Variants in UGT1A10 observed in about 807,000 individuals in gnomAD.
UGT1A10 encodes UDP-glucuronosyltransferase 1A10.
Under a neutral mutation model 45.8 loss-of-function variants are expected in UGT1A10, and 49 were observed. The observed-to-expected ratio is 1.07, with a 90% CI of 0.85 to 1.36. The LOEUF is 1.36. Ranked by LOEUF, UGT1A10 falls within the 40% of genes most tolerant of loss-of-function variation. UGT1A10 has a pLI of 0.00. For missense variants in UGT1A10, 745 were observed against 668.6 expected (o/e 1.11, Z -1.26); for synonymous variants, 284 against 249.7 (o/e 1.14, Z -1.29).
rs369417360 is a variant in UGT1A10, at chr2:233,713,137, G to A, written c.856-53897G>A. The A allele has an allele frequency of 3.5e-5, 57 of 1,614,192 alleles. No homozygotes were observed. The South Asian group carries it at 5.3e-4, about 15-fold the overall frequency. ...TGGCTCAGCATGCGGGAGGCCTTGC[G>A]GGACCTCCATGCGAGAGGCCACCAG... On this transcript the variant is annotated intron_variant, in intron 1 of 4. Transcript: ENST00000344644.
chr2:233,709,294 T>C (rs1249684185), intron 1 of UGT1A10, among the ~76,000 whole-genome samples: 1 of 152,196 alleles, frequency 6.6e-6, no homozygotes, highest in Non-Finnish European at 1.5e-5. Flanking sequence ...CAATTAATGA[T>C]ATTTTCTATT....
At position 233,772,461 on chromosome 2, in the gene UGT1A10, G is replaced by A. The variant is rs764439291; in HGVS notation, c.1495G>A (p.Val499Met). The change falls in exon 5 of 5, where the codon GTG becomes ATG. Residue 499 changes from valine (V) to methionine (M), a missense_variant. Coordinates refer to ENST00000344644, the MANE Select transcript of UGT1A10 (RefSeq NM_019075.4). ...IGFLLAVVLT[V>M]AFITFKCCAY... is the part of the protein sequence containing the mutation. ...TTTCCTCTTGGCCGTCGTGCTGACAGTGGCCTTCATCACCTTTAAATGTTG... is the reference window on the plus strand; with the variant it reads ...TTTCCTCTTGGCCGTCGTGCTGACAATGGCCTTCATCACCTTTAAATGTTG... 6.2e-7 allele frequency: 1 copy of A among 1,614,184 alleles called. No homozygotes were observed. Among genetic ancestry groups the A allele is most frequent in the Non-Finnish European group, 8.5e-7 (1 of 1,180,040 alleles).
At chr2:233,705,031 G>T (rs10929285) in intron 1 of UGT1A10, among the ~76,000 whole-genome samples, 31,843 of 151,910 alleles carry the variant, frequency 0.21, 3,984 homozygotes, top group East Asian at 0.45. Flanking sequence ...AGCTACTCGG[G>T]AGGCTGAGGC....
chr2:233,640,029 C>T (rs1352571529), intron 1 of UGT1A10, among the ~76,000 whole-genome samples: 1 of 152,194 alleles, frequency 6.6e-6, no homozygotes, highest in Admixed American at 6.5e-5. Context: ...GTAGGTGCAG[C>T]TCTGCAGACC....
At chr2:233,748,721 A>G (rs555676494) in intron 1 of UGT1A10, among the ~76,000 whole-genome samples, 1 of 151,762 alleles carries the variant, frequency 6.6e-6, no homozygotes, top group East Asian at 1.9e-4. Context: ...CTGGTGCATG[A>G]TGTGGGGACA....
intron 1 of UGT1A10, among the ~76,000 whole-genome samples, chr2:233,646,063 C>T (rs920550300): frequency 1.5e-4 from 23 of 152,258 alleles, no homozygotes; most frequent in Non-Finnish European, 3.4e-4. Flanking sequence ...CAATTCTTGA[C>T]TTCTGTGCAC....
chr2:233,728,519 T>A (rs554437278), intron 1 of UGT1A10, among the ~76,000 whole-genome samples: 5 of 152,180 alleles, frequency 3.3e-5, no homozygotes, highest in Admixed American at 1.3e-4. Context: ...TTTTCTATAT[T>A]GACAGCCACT....
At chr2:233,711,308 T>C (rs1455786140) in intron 1 of UGT1A10, among the ~76,000 whole-genome samples, 1 of 152,192 alleles carries the variant, frequency 6.6e-6, no homozygotes, top group Non-Finnish European at 1.5e-5. Flanking sequence ...TTAGATGACA[T>C]TGGTGTCTAA....
chr2:233,671,700 A>C, intron 1 of UGT1A10: 2 of 552,150 alleles, frequency 3.6e-6, no homozygotes. Flanking sequence ...TCTGCCCCCA[A>C]GGCAAAGACC....
chr2:233,719,681 A>G (rs1559365276), intron 1 of UGT1A10: 10 of 1,614,106 alleles, frequency 6.2e-6, no homozygotes, highest in Non-Finnish European at 8.5e-6. Context: ...GGAAGCCACT[A>G]TCTCAGGTCT....
intron 1 of UGT1A10, among the ~76,000 whole-genome samples, chr2:233,698,632 A>G (rs1452910614): frequency 6.6e-6 from 1 of 152,262 alleles, no homozygotes; most frequent in Non-Finnish European, 1.5e-5. Context: ...TTTGCCTAAC[A>G]GGTTAGTAAG....
chr2:233,742,265 C>A (rs1188794334), intron 1 of UGT1A10, among the ~76,000 whole-genome samples: 2 of 151,928 alleles, frequency 1.3e-5, no homozygotes, highest in Non-Finnish European at 2.9e-5. Context: ...TGACAGCAAG[C>A]CTGTGATAAG....
At chr2:233,694,411 A>G (rs193114537) in intron 1 of UGT1A10, among the ~76,000 whole-genome samples, 1 of 152,274 alleles carries the variant, frequency 6.6e-6, no homozygotes, top group Admixed American at 6.5e-5. Context: ...GTGCCACAGA[A>G]GTATTTGGTC....
intron 1 of UGT1A10, chr2:233,744,014 C>A: frequency 9.4e-7 from 1 of 1,062,354 alleles, no homozygotes; most frequent in African/African-American, 1.7e-5. Flanking sequence ...CCTGGGCCGC[C>A]TGGAGAGACG....
chr2:233,655,379 C>T (rs747108141), intron 1 of UGT1A10, among the ~76,000 whole-genome samples: 13 of 152,140 alleles, frequency 8.5e-5, no homozygotes, highest in Non-Finnish European at 1.6e-4. Flanking sequence ...ACTCTTCATT[C>T]CCCAAGGAGC....
chr2:233,683,242 T>C (rs1214148845), intron 1 of UGT1A10, among the ~76,000 whole-genome samples: 2 of 152,180 alleles, frequency 1.3e-5, no homozygotes, highest in Non-Finnish European at 2.9e-5. Flanking sequence ...TCATGCTGGC[T>C]ATGTTTTTTT....
At position 233,637,222 on chromosome 2, in the gene UGT1A10, A is replaced by G. The variant is rs1216379906; in HGVS notation, c.700A>G (p.Ile234Val). 1 of 1,613,852 alleles carries G rather than the reference A, an allele frequency of 6.2e-7. No homozygotes were observed. The highest frequency in any genetic ancestry group is 8.5e-7 in the Non-Finnish European group (1 of 1,179,876). ...FRNALEIASE[I>V]LQTPVTAYDL... ...AAATGCCCTAGAAATAGCCTCTGAA[A>G]TTCTCCAAACCCCTGTCACGGCATA... is the stretch of plus-strand genomic sequence containing the variant. The change falls in exon 1 of 5, where the codon ATT becomes GTT. Residue 234 changes from isoleucine (I) to valine (V), a missense_variant. By Grantham distance (29) the Ile-to-Val change is conservative. Transcript: ENST00000344644.
At chr2:233,688,191 G>A (rs924527532) in intron 1 of UGT1A10, among the ~76,000 whole-genome samples, 8 of 152,098 alleles carry the variant, frequency 5.3e-5, no homozygotes, top group African/African-American at 1.7e-4. Flanking sequence ...CTTTATGACC[G>A]GCTTCTTTCA....
At chr2:233,747,199 G>C in intron 1 of UGT1A10, 1 of 1,604,214 alleles carries the variant, frequency 6.2e-7, no homozygotes, top group African/African-American at 1.3e-5. Context: ...TCAGCTGTCC[G>C]TGTCTTCTGC....
Sources: allele counts gnomAD v4.1 joint callset (sites outside exome capture counted in the v4.1 genomes callset), GRCh38; gene constraint gnomAD v4.1.1; transcripts MANE v1.5; gene names NCBI Gene and HGNC (gene_info 2026-07-23, HGNC 2026-07-21).